NEBL: variants seen among roughly 807,000 people sequenced by gnomAD.
The protein encoded by NEBL is LIM and SH3 protein 2.
In NEBL, 122 loss-of-function variants were observed where a neutral mutation model predicts 140.2. The ratio of observed to expected loss-of-function variants is 0.87; its 90% confidence interval spans 0.75 to 1.01. The LOEUF (loss-of-function observed/expected upper bound fraction) is 1.01, where lower values mean the gene tolerates loss of function less well. Ranked by LOEUF, NEBL falls within the 50% of genes least tolerant of loss-of-function variation. The pLI is 0.00. For missense variants in NEBL, 1,365 were observed against 1,231.3 expected (o/e 1.11, Z -1.62); for synonymous variants, 436 against 398.9 (o/e 1.09, Z -1.11).
chr10:21,088,609 T>C (rs1836762386), intron 2 of NEBL, among the ~76,000 whole-genome samples: 1 of 152,154 alleles, frequency 6.6e-6, no homozygotes, highest in Admixed American at 6.5e-5. Flanking sequence ...GGATGGAAAC[T>C]AGAATATTTA....
rs993225821 is a variant in NEBL at position 21,242,649 on chromosome 10, G to A, written n.348+5272C>T. Among the ~76,000 whole-genome samples the A allele has an allele frequency of 4.6e-5, 7 of 152,106 alleles. No individual in the cohort carries two copies. The East Asian group carries it at 5.8e-4, about 13-fold the overall frequency. On this transcript the variant is annotated intron_variant and non_coding_transcript_variant, in intron 3 of 8. Coordinates refer to the NEBL transcript ENST00000675702. ...AAAGAAACATCCTGCTGTACTGGCC[G>A]AGAGGTGCACAACTCACTTGGGTAA... is the stretch of plus-strand genomic sequence containing the variant.
At chr10:21,011,212 G>C (rs1348130823) in intron 3 of NEBL, among the ~76,000 whole-genome samples, 1 of 152,050 alleles carries the variant, frequency 6.6e-6, no homozygotes, top group Admixed American at 6.6e-5. Context: ...GCAGGGACAG[G>C]GGGAGAGCCC....
At chr10:20,843,357 C>G (rs1376789692) in intron 12 of NEBL, among the ~76,000 whole-genome samples, 1 of 150,874 alleles carries the variant, frequency 6.6e-6, no homozygotes, top group Non-Finnish European at 1.5e-5. Context: ...GCAGCCAGAA[C>G]AGACCAATAC....
chr10:20,823,516 C>T (rs1335648844), intron 18 of NEBL, among the ~76,000 whole-genome samples: 1 of 151,952 alleles, frequency 6.6e-6, no homozygotes, highest in Admixed American at 6.6e-5. Context: ...TTATTCATCA[C>T]TATAGGAGTT....
intron 2 of NEBL, among the ~76,000 whole-genome samples, chr10:21,097,483 G>T (rs1249710960): frequency 6.6e-6 from 1 of 152,096 alleles, no homozygotes; most frequent in Non-Finnish European, 1.5e-5. Flanking sequence ...AATAAAATGA[G>T]CTCAATACAA....
At position 21,160,518 on chromosome 10, in the gene NEBL, C is replaced by T. The variant is rs530618376; in HGVS notation, c.164+11865G>A. ...TGATAGGAATAACCCTTAATTATCA[C>T]GTGCCTTAAGCATCTAGAAATTTTT... On this transcript the variant is annotated intron_variant, in intron 2 of 6. Coordinates refer to the NEBL transcript ENST00000417816. Among the ~76,000 whole-genome samples, 16 of 152,140 alleles carry T rather than the reference C, an allele frequency of 1.1e-4. No individual in the cohort carries two copies. In the South Asian group the frequency reaches 1.5e-3, roughly 14 times the overall value.
intron 2 of NEBL, among the ~76,000 whole-genome samples, chr10:21,164,281 TCCTTCCTCTAGAGACTTAAAGGA>T: frequency 6.6e-6 from 1 of 152,312 alleles, no homozygotes; most frequent in South Asian, 2.1e-4. Flanking sequence ...AATTGATTTC[TCCTTCCTCTAGAGACTTAAAGGA>T]GTTCTAAGCC....
At chr10:20,925,581 T>C (rs1057275044) in intron 4 of NEBL, among the ~76,000 whole-genome samples, 18 of 152,154 alleles carry the variant, frequency 1.2e-4, no homozygotes, top group Admixed American at 1.1e-3. Flanking sequence ...ACTTACCTTA[T>C]TCTGAAAGAA....
At chr10:21,126,974 CAAAAAA>C (rs55883304) in intron 2 of NEBL, among the ~76,000 whole-genome samples, 17 of 64,186 alleles carry the variant, frequency 2.6e-4, no homozygotes, top group Non-Finnish European at 4.7e-4. Flanking sequence ...GACCCTGTAT[CAAAAAA>C]AAAAAAAAAA....
chr10:20,901,911 A>G (rs181049769), upstream of NEBL, among the ~76,000 whole-genome samples: 174 of 152,354 alleles, frequency 1.1e-3, no homozygotes, highest in African/African-American at 4.0e-3. Context: ...GAAGAAATGT[A>G]AGCACTCTAG....
chr10:21,281,461 T>G (rs1340685714), intron 1 of NEBL, among the ~76,000 whole-genome samples: 7 of 149,484 alleles, frequency 4.7e-5, no homozygotes, highest in African/African-American at 1.7e-4. Flanking sequence ...CACTCTCTGC[T>G]GCTTGTCTTT....
At chr10:20,918,591 C>A (rs146296419) in intron 4 of NEBL, among the ~76,000 whole-genome samples, 3,936 of 152,072 alleles carry the variant, frequency 0.026, 106 homozygotes, top group Non-Finnish European at 0.034. Context: ...TGGCTCATGC[C>A]TGTAATCCCA....
intron 3 of NEBL, among the ~76,000 whole-genome samples, chr10:20,999,278 T>C (rs1443624147): frequency 1.3e-5 from 2 of 152,044 alleles, no homozygotes; most frequent in Non-Finnish European, 2.9e-5. Context: ...CCTGCAGTGA[T>C]GCTATATTCT....
chr10:20,929,273 A>G (rs1834063284), intron 4 of NEBL, among the ~76,000 whole-genome samples: 1 of 151,876 alleles, frequency 6.6e-6, no homozygotes, highest in Admixed American at 6.6e-5. Flanking sequence ...ATATATATAT[A>G]TATATTCCTA....
chr10:21,223,429 T>C (rs557835193), intron 3 of NEBL, among the ~76,000 whole-genome samples: 4 of 152,326 alleles, frequency 2.6e-5, no homozygotes, highest in African/African-American at 9.6e-5. Flanking sequence ...ATGTACCACA[T>C]TTTCTTTTTC....
chr10:20,978,876 A>G (rs2131657961), intron 3 of NEBL, among the ~76,000 whole-genome samples: 1 of 152,362 alleles, frequency 6.6e-6, no homozygotes, highest in South Asian at 2.1e-4. Context: ...ACCCCTAGAA[A>G]GTCTCCTCAT....
intron 3 of NEBL, among the ~76,000 whole-genome samples, chr10:20,996,505 C>A (rs188964199): frequency 5.8e-4 from 88 of 152,244 alleles, no homozygotes; most frequent in Non-Finnish European, 8.5e-4. Flanking sequence ...CTCACAATAA[C>A]CTTTTGGGAG....
intron 16 of NEBL, among the ~76,000 whole-genome samples, chr10:20,829,720 C>A (rs1840223724): frequency 6.6e-6 from 1 of 151,908 alleles, no homozygotes; most frequent in Non-Finnish European, 1.5e-5. Context: ...ATTCTCACAC[C>A]ACACTAAAAA....
At chr10:21,176,157 T>C (rs1841296676), upstream of NEBL, among the ~76,000 whole-genome samples, 1 of 152,070 alleles carries the variant, frequency 6.6e-6, no homozygotes, top group African/African-American at 2.4e-5. Flanking sequence ...CATATGCCAC[T>C]ATGCCCTGCT....
Sources: allele counts gnomAD v4.1 joint callset (sites outside exome capture counted in the v4.1 genomes callset), GRCh38; gene constraint gnomAD v4.1.1; transcripts MANE v1.5; gene names NCBI Gene and HGNC (gene_info 2026-07-23, HGNC 2026-07-21).